Variants in GALNT13 observed in about 807,000 individuals in gnomAD.
The protein encoded by GALNT13 is UDP-GalNAc:polypeptide N-acetylgalactosaminyltransferase 13.
GALNT13 carries 28 observed loss-of-function variants against 64.2 expected under a neutral mutation model. The observed-to-expected ratio is 0.44, with a 90% CI of 0.32 to 0.60. The LOEUF (loss-of-function observed/expected upper bound fraction) is 0.60. GALNT13 is among the 20% of genes least tolerant of loss of function. GALNT13 has a pLI of 0.05. For synonymous variants in GALNT13, 214 were observed against 224.6 expected (o/e 0.95, Z 0.42); for missense variants, 577 against 669.8 (o/e 0.86, Z 1.53).
At chr2:153,375,687 A>T in the GALNT13 span, among the ~76,000 whole-genome samples, 1 of 152,230 alleles carries the variant, frequency 6.6e-6, no homozygotes, top group African/African-American at 2.4e-5. Flanking sequence ...GCCTCTGATA[A>T]CAGAACATAG....
chr2:153,513,528 C>A, the GALNT13 span, among the ~76,000 whole-genome samples: 5 of 152,228 alleles, frequency 3.3e-5, no homozygotes, highest in African/African-American at 1.2e-4. Flanking sequence ...CTACCACCTA[C>A]CCTCTTCCTC....
At chr2:153,480,895 A>G in the GALNT13 span, among the ~76,000 whole-genome samples, 4 of 152,202 alleles carry the variant, frequency 2.6e-5, no homozygotes, top group Non-Finnish European at 5.9e-5. Context: ...GTAAGATCCA[A>G]TATGGAAGGA....
At chr2:153,722,091 A>T in the GALNT13 span, among the ~76,000 whole-genome samples, 1 of 149,172 alleles carries the variant, frequency 6.7e-6, no homozygotes. Context: ...AAAGAACAGA[A>T]ATTATAACAA....
chr2:154,038,111 C>G (rs2105321315), intron 3 of GALNT13, among the ~76,000 whole-genome samples: 1 of 152,094 alleles, frequency 6.6e-6, no homozygotes, highest in African/African-American at 2.4e-5. Context: ...CTCACTACAG[C>G]CTGATAATAA....
intron 2 of GALNT13, among the ~76,000 whole-genome samples, chr2:153,943,015 A>C (rs1169974297): frequency 6.6e-6 from 1 of 152,192 alleles, no homozygotes; most frequent in Non-Finnish European, 1.5e-5. Flanking sequence ...TATCTTATTC[A>C]CATCAATAAG....
chr2:154,254,882 C>A (rs1019697658), intron 7 of GALNT13, among the ~76,000 whole-genome samples: 1 of 152,036 alleles, frequency 6.6e-6, no homozygotes, highest in African/African-American at 2.4e-5. Context: ...ATCTTACCCA[C>A]ACAAAGAGCA....
At chr2:153,899,935 A>ATTTTT (rs1167875826) in intron 1 of GALNT13, among the ~76,000 whole-genome samples, 3 of 98,150 alleles carry the variant, frequency 3.1e-5, no homozygotes, top group Admixed American at 1.3e-4. Context: ...ATATATATAT[A>ATTTTT]TTTTTTTTTT....
chr2:153,600,056 A>G, the GALNT13 span, among the ~76,000 whole-genome samples: 1 of 151,954 alleles, frequency 6.6e-6, no homozygotes, highest in Non-Finnish European at 1.5e-5. Flanking sequence ...AGAGGATTAG[A>G]GAAACTCTGC....
At chr2:154,414,918 A>C (rs1699943894) in intron 11 of GALNT13, among the ~76,000 whole-genome samples, 1 of 151,960 alleles carries the variant, frequency 6.6e-6, no homozygotes, top group Non-Finnish European at 1.5e-5. Flanking sequence ...ATCATCATAA[A>C]GGCATAATAT....
the GALNT13 span, among the ~76,000 whole-genome samples, chr2:153,096,892 C>A: frequency 1.3e-5 from 2 of 152,080 alleles, no homozygotes; most frequent in Non-Finnish European, 2.9e-5. Flanking sequence ...TAAGGACTTA[C>A]TCCTGTCAAT....
the GALNT13 span, among the ~76,000 whole-genome samples, chr2:153,297,432 T>A: frequency 1.3e-5 from 2 of 152,174 alleles, no homozygotes; most frequent in Non-Finnish European, 2.9e-5. Flanking sequence ...GGAAGAGGCA[T>A]AAAATTGCAG....
At chr2:154,196,095 A>G (rs1448533071) in intron 4 of GALNT13, among the ~76,000 whole-genome samples, 2 of 152,196 alleles carry the variant, frequency 1.3e-5, no homozygotes, top group Non-Finnish European at 2.9e-5. Context: ...TTTTCTTTCC[A>G]CTGAGACCTA....
intron 3 of GALNT13, among the ~76,000 whole-genome samples, chr2:153,979,027 A>T (rs955080242): frequency 5.9e-5 from 9 of 152,172 alleles, no homozygotes; most frequent in Non-Finnish European, 1.3e-4. Context: ...GGATTAAATT[A>T]TGTTACATCT....
chr2:153,280,342 T>A, the GALNT13 span, among the ~76,000 whole-genome samples: 1 of 152,122 alleles, frequency 6.6e-6, no homozygotes, highest in Non-Finnish European at 1.5e-5. Flanking sequence ...TTCTTTGCAT[T>A]GATTTTTGGG....
intron 9 of GALNT13, among the ~76,000 whole-genome samples, chr2:154,347,651 C>G (rs1696147563): frequency 6.6e-6 from 1 of 152,296 alleles, no homozygotes; most frequent in Non-Finnish European, 1.5e-5. Flanking sequence ...CTTTTCAATT[C>G]TGCCCAACTT....
rs1693439029 is a variant in GALNT13, at chr2:154,301,493, C to A, written c.1060C>A (p.Pro354Thr). 1.9e-6 allele frequency: 3 copies of A among 1,613,600 alleles called. No homozygotes were observed. In the South Asian group the frequency reaches 3.3e-5, roughly 18 times the overall value. The change falls in exon 9 of 13, where the codon CCT becomes ACT. Residue 354 changes from proline to threonine, a missense_variant. Physicochemically the swap from Pro to Thr is conservative, Grantham distance 38. This residue lies in a region of GALNT13 where 232 missense variants were observed against 270.6 expected (regional missense o/e 0.86). Transcript: ENST00000392825. Reference sequence around the variant, plus strand: ...TCGGAAGGCAACTCCATACACTTTTCCTGGTGGCACTGGTCATGTCATCAA... The same window carrying A: ...TCGGAAGGCAACTCCATACACTTTTACTGGTGGCACTGGTCATGTCATCAA... ...VFRKATPYTF[P>T]GGTGHVINKN...
chr2:154,141,427 C>T (rs1683253406), intron 4 of GALNT13, among the ~76,000 whole-genome samples: 1 of 151,888 alleles, frequency 6.6e-6, no homozygotes, highest in African/African-American at 2.4e-5. Flanking sequence ...TATTTTCTTT[C>T]TTTATATCCT....
At chr2:153,438,403 T>A in the GALNT13 span, among the ~76,000 whole-genome samples, 1 of 152,216 alleles carries the variant, frequency 6.6e-6, no homozygotes, top group Non-Finnish European at 1.5e-5. Flanking sequence ...TGCTCCTGGA[T>A]AATATCCTGC....
chr2:153,780,873 T>A, the GALNT13 span, among the ~76,000 whole-genome samples: 1 of 152,144 alleles, frequency 6.6e-6, no homozygotes, highest in Non-Finnish European at 1.5e-5. Flanking sequence ...AAGAGAGACA[T>A]GATTCCTGTC....
Sources: gnomAD v4.1 joint callset for allele counts (sites outside exome capture counted in the v4.1 genomes callset) on GRCh38, gnomAD v4.1.1 for gene constraint, gnomAD v4.1.1 regional missense constraint, MANE v1.5 for transcripts, NCBI Gene and HGNC (gene_info 2026-07-23, HGNC 2026-07-21) for gene names.